The following CPM variants were observed in gnomAD, a reference collection of about 807,000 sequenced individuals.
CPM encodes renal carboxypeptidase.
CPM carries 35 observed loss-of-function variants against 46.4 expected under a neutral mutation model. That is an observed-to-expected ratio of 0.75 (90% CI 0.58 to 1.00). The LOEUF is 1.00. Ranked by LOEUF, CPM falls within the 50% of genes least tolerant of loss-of-function variation. The pLI is 0.00. For synonymous variants in CPM, 195 were observed against 195.3 expected, an observed-to-expected ratio of 1.00 and a Z score of 0.01; for missense variants, 422 against 530.4, an observed-to-expected ratio of 0.80 and a Z score of 2.01.
At chr12:68,898,141 A>G (rs1486027644) in intron 2 of CPM, among the ~76,000 whole-genome samples, 1 of 148,672 alleles carries the variant, frequency 6.7e-6, no homozygotes, top group Non-Finnish European at 1.5e-5. Context: ...GGCATGAGCC[A>G]CTGTGCCTGG....
chr12:68,961,575 A>G (rs889026075), intron 1 of CPM, among the ~76,000 whole-genome samples: 3 of 152,218 alleles, frequency 2.0e-5, no homozygotes, highest in African/African-American at 7.2e-5. Context: ...ACAGGTGTGC[A>G]ACACTGTGCC....
intron 2 of CPM, among the ~76,000 whole-genome samples, chr12:68,920,760 G>A (rs2642557): frequency 0.53 from 77,072 of 146,596 alleles, 20,870 homozygotes; most frequent in Non-Finnish European, 0.6. Flanking sequence ...GCACAGTCTC[G>A]GCTCACTGTA....
At chr12:68,941,974 A>T (rs1888772048) in intron 1 of CPM, among the ~76,000 whole-genome samples, 1 of 152,240 alleles carries the variant, frequency 6.6e-6, no homozygotes, top group Non-Finnish European at 1.5e-5. Context: ...AAGGTCCAAG[A>T]TGATCCTTTC....
At chr12:68,895,731 G>A (rs988302575) in intron 2 of CPM, among the ~76,000 whole-genome samples, 3 of 152,180 alleles carry the variant, frequency 2.0e-5, no homozygotes, top group African/African-American at 7.2e-5. Context: ...TGTAATCCCA[G>A]CACTTTGGGA....
At chr12:68,949,961 G>T (rs1223169584) in intron 1 of CPM, among the ~76,000 whole-genome samples, 1 of 152,162 alleles carries the variant, frequency 6.6e-6, no homozygotes. Flanking sequence ...GCTTCAGCTA[G>T]GTCTTGTTGG....
chr12:68,935,566 C>T (rs533151238), upstream of CPM, among the ~76,000 whole-genome samples: 20 of 152,196 alleles, frequency 1.3e-4, no homozygotes, highest in South Asian at 4.1e-3. Context: ...GCTGGGATTA[C>T]ATGAGTGAGC....
intron 3 of CPM, among the ~76,000 whole-genome samples, chr12:68,882,218 G>A (rs1198701572): frequency 2.6e-5 from 4 of 151,834 alleles, no homozygotes; most frequent in African/African-American, 9.7e-5. Context: ...TAACAGGTAG[G>A]TTTTTATCCT....
intron 2 of CPM, among the ~76,000 whole-genome samples, chr12:68,905,318 T>C (rs148896328): frequency 0.02 from 2,986 of 151,992 alleles, 93 homozygotes; most frequent in African/African-American, 0.067. Context: ...TCTCACTCTG[T>C]CACCCAGACT....
At chr12:68,862,965 T>C (rs941353620) in intron 7 of CPM, among the ~76,000 whole-genome samples, 22 of 151,566 alleles carry the variant, frequency 1.5e-4, no homozygotes, top group African/African-American at 4.9e-4. Flanking sequence ...ATGGGAGAAA[T>C]GTAAAGCTCT....
At chr12:68,916,000 T>C (rs958163758) in intron 2 of CPM, among the ~76,000 whole-genome samples, 1 of 152,206 alleles carries the variant, frequency 6.6e-6, no homozygotes, top group Non-Finnish European at 1.5e-5. Context: ...AGTAGTGGCA[T>C]TGCTTTCATT....
At chr12:68,949,093 C>T (rs1303614225) in intron 1 of CPM, among the ~76,000 whole-genome samples, 1 of 152,160 alleles carries the variant, frequency 6.6e-6, no homozygotes, top group East Asian at 1.9e-4. Context: ...GTTAGAAGTA[C>T]AGATTCTGGG....
chr12:68,894,150 T>A (rs954165396), intron 2 of CPM, among the ~76,000 whole-genome samples: 5 of 152,208 alleles, frequency 3.3e-5, no homozygotes, highest in African/African-American at 1.2e-4. Context: ...TCCTGTGTCA[T>A]CTTTCTTCAC....
rs565568530 is a variant in CPM at position 68,909,840 on chromosome 12, T to TG, written c.160+22837dup. Among the ~76,000 whole-genome samples the TG allele has an allele frequency of 4.3e-4, 12 of 27,744 alleles. No homozygotes were observed. The East Asian group carries it at 7.8e-3, about 18-fold the overall frequency. The allele number at this position is 27,744 out of a possible 152,430, so 18.2% of individuals were successfully genotyped here. ...TCACACACTGGGGCCTGTTGGGGGGTGGGGGGGCTACGGGAGGGATAACAT... is the reference window on the plus strand; with the variant it reads ...TCACACACTGGGGCCTGTTGGGGGGTGGGGGGGGCTACGGGAGGGATAACAT... On this transcript the variant is annotated intron_variant, in intron 2 of 8. Coordinates refer to ENST00000551568, the MANE Select transcript of CPM (RefSeq NM_198320.5).
intron 2 of CPM, among the ~76,000 whole-genome samples, chr12:68,895,044 A>AG (rs1886813228): frequency 6.6e-6 from 1 of 151,674 alleles, no homozygotes; most frequent in Admixed American, 6.6e-5. Flanking sequence ...AAAAAAAAAA[A>AG]AAAAAAGTTT....
intron 2 of CPM, among the ~76,000 whole-genome samples, chr12:68,889,144 G>T (rs558914295): frequency 2.6e-5 from 4 of 152,326 alleles, no homozygotes; most frequent in African/African-American, 9.6e-5. Context: ...GCTCATTAAA[G>T]TTTGAAAGTT....
chr12:68,871,980 G>T lies in CPM; in HGVS notation c.259-24C>A, dbSNP rs201311219. On this transcript the variant is annotated intron_variant, in intron 3 of 8. Coordinates refer to ENST00000551568, the MANE Select transcript of CPM (RefSeq NM_198320.5). ...GTCTATATGTGTTAAAGAGAAAAGA[G>T]GACATTATTAGGTCAGAGGCAATAA... 8.4e-5 allele frequency: 135 copies of T among 1,613,364 alleles called. No individual in the cohort carries two copies. The South Asian group carries it at 1.4e-3, about 17-fold the overall frequency.
chr12:68,851,843 C>T lies in CPM; in HGVS notation c.*4594G>A, dbSNP rs1331733469. 6.6e-6 allele frequency: 1 copy of T among 152,186 alleles called. No homozygotes were observed. Among genetic ancestry groups the T allele is most frequent in the Non-Finnish European group, 1.5e-5 (1 of 68,034 alleles). The allele number at this position is 152,186 out of a possible 1,614,324, so 9.4% of individuals were successfully genotyped here. On this transcript the variant is annotated 3_prime_UTR_variant, in exon 9 of 9. Coordinates refer to ENST00000551568, the MANE Select transcript of CPM (RefSeq NM_198320.5). ...AATGCTCTTTAACTAGTCTGGTCAT[C>T]ATAATTTTCTCCCCCTTCCCCCTTC...
At chr12:68,937,854 T>G (rs1268171823), upstream of CPM, among the ~76,000 whole-genome samples, 1 of 152,168 alleles carries the variant, frequency 6.6e-6, no homozygotes, top group Non-Finnish European at 1.5e-5. Context: ...GCATTTTAAT[T>G]TAAAAGCAAA....
chr12:68,951,627 T>C (rs1888936593), intron 1 of CPM, among the ~76,000 whole-genome samples: 1 of 152,016 alleles, frequency 6.6e-6, no homozygotes, highest in Non-Finnish European at 1.5e-5. Flanking sequence ...ATCGTTAGGG[T>C]TCATATTGCA....
Sources: allele counts gnomAD v4.1 joint callset (sites outside exome capture counted in the v4.1 genomes callset), GRCh38; gene constraint gnomAD v4.1.1; transcripts MANE v1.5; gene names NCBI Gene and HGNC (gene_info 2026-07-23, HGNC 2026-07-21).